Variants in ELAPOR1 observed in about 807,000 individuals in gnomAD.
ELAPOR1 encodes endosome/lysosome-associated apoptosis and autophagy regulator 1.
A neutral mutation model predicts 119.7 loss-of-function variants in ELAPOR1; 77 were observed. That is an observed-to-expected ratio of 0.64 (90% CI 0.54 to 0.78). The LOEUF (loss-of-function observed/expected upper bound fraction) is 0.78. Among genes scored for constraint, ELAPOR1 ranks in the 30% least tolerant of loss-of-function variants. The pLI, the probability that ELAPOR1 is intolerant of heterozygous loss-of-function variation, is 0.00. For synonymous variants in ELAPOR1, 481 were observed against 487.2 expected (o/e 0.99, Z 0.17); for missense variants, 1,115 against 1,270.4 (o/e 0.88, Z 1.86).
intron 1 of ELAPOR1, among the ~76,000 whole-genome samples, chr1:109,143,844 A>G (rs996071012): frequency 6.6e-6 from 1 of 151,192 alleles, no homozygotes; most frequent in African/African-American, 2.4e-5. Flanking sequence ...TAATTTTTGT[A>G]GAGACAGGGT....
intron 3 of ELAPOR1, among the ~76,000 whole-genome samples, chr1:109,165,670 C>T (rs1439729758): frequency 1.3e-5 from 2 of 151,440 alleles, no homozygotes; most frequent in East Asian, 1.9e-4. Flanking sequence ...AGCCAATATA[C>T]TTTCTCAGCT....
intron 8 of ELAPOR1, chr1:109,187,021 A>G: frequency 2.0e-6 from 2 of 985,554 alleles, no homozygotes; most frequent in Non-Finnish European, 2.4e-6. Flanking sequence ...TTCCTTGCAG[A>G]CTTCTGCTTT....
intron 10 of ELAPOR1, 56 bp from the exon 11 acceptor site, chr1:109,189,536 C>G: frequency 6.8e-7 from 1 of 1,477,186 alleles, no homozygotes; most frequent in Non-Finnish European, 9.5e-7. Context: ...CATCTGGGTG[C>G]ACATTTGCCT....
chr1:109,151,329 G>T (rs1650518731), intron 1 of ELAPOR1, among the ~76,000 whole-genome samples: 1 of 151,042 alleles, frequency 6.6e-6, no homozygotes, highest in African/African-American at 2.4e-5. Flanking sequence ...AGTGGGAGGA[G>T]GGAGGGAGGG....
At chr1:109,148,110 T>C (rs1570641086) in intron 1 of ELAPOR1, among the ~76,000 whole-genome samples, 2 of 151,972 alleles carry the variant, frequency 1.3e-5, no homozygotes, top group East Asian at 3.9e-4. Context: ...GTGCTGGGAT[T>C]ACAGGCGTGA....
intron 1 of ELAPOR1, among the ~76,000 whole-genome samples, chr1:109,144,061 A>ATATATATTTTTTTTTTTTTTTTTTTTT: frequency 5.6e-5 from 5 of 88,988 alleles, no homozygotes; most frequent in African/African-American, 1.9e-4. Context: ...ATATTTATAT[A>ATATATATTTTTTTTTTTTTTTTTTTTT]TTTTTTTTTT....
Position 109,191,430 on chromosome 1 carries a change from G to C in ELAPOR1, c.1504G>C (p.Glu502Gln). 1 of 1,614,128 alleles carries C rather than the reference G, an allele frequency of 6.2e-7. No individual in the cohort carries two copies. Among genetic ancestry groups the C allele is most frequent in the Non-Finnish European group, 8.5e-7 (1 of 1,180,002 alleles). ...GGTGGCCAGAATCACATTTGTCTTT[G>C]AGACCCTCTGTTCTGTGAACTGTGA... ...KEVARITFVF[E>Q]TLCSVNCELY... is the part of the protein sequence containing the mutation. The change falls in exon 12 of 22, where the codon GAG becomes CAG. Residue 502 changes from glutamate to glutamine, a missense_variant. Transcript: ENST00000369939.
In ELAPOR1 at chr1:109,172,591, C is replaced by A. The variant is rs145671036; in HGVS notation, c.696+23C>A. ...AGTGTGAGTATCACACCAGCCTTCT[C>A]CCAGAGATCCCAGAAAAGGGACCCA... On this transcript the variant is annotated intron_variant, in intron 5 of 21. Transcript: ENST00000369939. 285 of 1,577,376 alleles carry A rather than the reference C, an allele frequency of 1.8e-4. 3 individuals are homozygous for A. The East Asian group carries it at 4.6e-3, about 25-fold the overall frequency.
At chr1:109,146,341 A>C (rs1213436605) in intron 1 of ELAPOR1, among the ~76,000 whole-genome samples, 1 of 151,742 alleles carries the variant, frequency 6.6e-6, no homozygotes, top group Non-Finnish European at 1.5e-5. Context: ...AAAAATACAA[A>C]TCTCGATTCA....
At chr1:109,187,157 C>T (rs1653104386) in intron 8 of ELAPOR1, 1 of 985,366 alleles carries the variant, frequency 1.0e-6, no homozygotes, top group Non-Finnish European at 1.2e-6. Flanking sequence ...TTGGCTGTGC[C>T]TCAGTTGTTT....
At chr1:109,133,684 C>G (rs2100984832) in intron 1 of ELAPOR1, among the ~76,000 whole-genome samples, 1 of 152,138 alleles carries the variant, frequency 6.6e-6, no homozygotes, top group East Asian at 1.9e-4. Context: ...TTTCTTTTGT[C>G]TCAAATTGGA....
intron 1 of ELAPOR1, among the ~76,000 whole-genome samples, chr1:109,153,434 G>A (rs565751): frequency 0.73 from 110,694 of 152,028 alleles, 40,491 homozygotes; most frequent in East Asian, 0.93. Flanking sequence ...ACTGTGATGC[G>A]GCCATTAAGG....
At chr1:109,186,332 T>C (rs1306434312) in intron 8 of ELAPOR1, among the ~76,000 whole-genome samples, 2 of 152,070 alleles carry the variant, frequency 1.3e-5, no homozygotes, top group African/African-American at 4.8e-5. Flanking sequence ...GCTGTCTGTA[T>C]CCCTAAGCTA....
intron 7 of ELAPOR1, among the ~76,000 whole-genome samples, chr1:109,184,029 C>T (rs546085566): frequency 1.6e-4 from 25 of 151,998 alleles, no homozygotes; most frequent in African/African-American, 5.8e-4. Context: ...TGCAGTCCAG[C>T]CTCAGCAACA....
chr1:109,124,961 C>T (rs1043770406), intron 1 of ELAPOR1, among the ~76,000 whole-genome samples: 1 of 152,022 alleles, frequency 6.6e-6, no homozygotes, highest in Non-Finnish European at 1.5e-5. Flanking sequence ...CAGAATCTTG[C>T]TCTGTCACCC....
At position 109,199,928 on chromosome 1, in the gene ELAPOR1, G is replaced by A; in HGVS notation, c.2576G>A (p.Cys859Tyr). The change falls in exon 19 of 22, where the codon TGC becomes TAC. Residue 859 changes from cysteine to tyrosine, a missense_variant. Transcript: ENST00000369939. ...LWESAAACPL[C>Y]SVADYHAIVS... ...GAGAGCGCGGCTGCTTGCCCGCTCT[G>A]CTCAGTGGCTGACTACCATGCTATC... 1.2e-6 allele frequency: 2 copies of A among 1,614,014 alleles called. No individual in the cohort carries two copies. Among genetic ancestry groups the A allele is most frequent in the Non-Finnish European group, 1.7e-6 (2 of 1,180,036 alleles).
chr1:109,174,427 A>T (rs1371825758), intron 7 of ELAPOR1, among the ~76,000 whole-genome samples: 7 of 137,042 alleles, frequency 5.1e-5, no homozygotes, highest in African/African-American at 1.9e-4. Flanking sequence ...AAAAAAAAAA[A>T]AAAAAAAAAA....
chr1:109,176,606 CTTTTTT>C (rs1166255748), intron 7 of ELAPOR1, among the ~76,000 whole-genome samples: 1 of 127,804 alleles, frequency 7.8e-6, no homozygotes, highest in African/African-American at 2.8e-5. Context: ...CTTTTTTTTT[CTTTTTT>C]TTTTTTTTTT....
chr1:109,155,979 CA>C (rs535370627), intron 1 of ELAPOR1, among the ~76,000 whole-genome samples: 1 of 151,948 alleles, frequency 6.6e-6, no homozygotes, highest in South Asian at 2.1e-4. Flanking sequence ...CCCATCTCTG[CA>C]AAAAAATTTT....
Sources: allele counts gnomAD v4.1 joint callset (sites outside exome capture counted in the v4.1 genomes callset), GRCh38; gene constraint gnomAD v4.1.1; transcripts MANE v1.5; gene names NCBI Gene and HGNC (gene_info 2026-07-23, HGNC 2026-07-21).